The following GRK4 variants were observed in gnomAD, a reference collection of about 807,000 sequenced individuals.
The protein encoded by GRK4 is G protein-coupled receptor kinase 2-like.
A neutral mutation model predicts 77.9 loss-of-function variants in GRK4; 73 were observed. The ratio of observed to expected loss-of-function variants is 0.94; its 90% CI spans 0.78 to 1.14. The LOEUF is 1.14. GRK4 is among the 50% of genes most tolerant of loss of function. The probability of loss-of-function intolerance (pLI) is 0.00; values close to 1 mark genes in which losing one functional copy is unlikely to be tolerated. For synonymous variants in GRK4, 257 were observed against 254.4 expected (o/e 1.01, Z -0.10); for missense variants, 729 against 700.2 (o/e 1.04, Z -0.46).
intron 5 of GRK4, among the ~76,000 whole-genome samples, chr4:3,007,246 G>A (rs1468568891): frequency 1.3e-5 from 2 of 152,162 alleles, no homozygotes; most frequent in Non-Finnish European, 2.9e-5. Flanking sequence ...ATACTTGGAA[G>A]TATTAATGCA....
intron 12 of GRK4, among the ~76,000 whole-genome samples, chr4:3,031,821 A>G (rs1225909603): frequency 1.3e-5 from 2 of 152,070 alleles, no homozygotes; most frequent in Non-Finnish European, 2.9e-5. Flanking sequence ...GTCACTGGAG[A>G]AGAGAAGGCC....
chr4:2,984,705 C>A, intron 2 of GRK4, 97 bp downstream of exon 2: 1 of 554,050 alleles, frequency 1.8e-6, no homozygotes. Context: ...TTGTTTCAAA[C>A]ATTTTATGAT....
chr4:3,004,229 A>G lies in GRK4; in HGVS notation c.340-2A>G, dbSNP rs1035799145. The stretch of plus-strand genomic sequence containing the variant: ...TATGTATTTGGTTTGTACTGTATTA[A>G]GTTGGCAGCCCCTTTACCAGAAATA... On this transcript the variant is annotated splice_acceptor_variant, in intron 4 of 15. Coordinates refer to ENST00000398052, the MANE Select transcript of GRK4 (RefSeq NM_182982.3). LOFTEE classifies it high-confidence loss of function. 4.4e-5 allele frequency: 71 copies of G among 1,606,420 alleles called. No homozygotes were observed. The highest frequency in any genetic ancestry group is 5.7e-5 in the Non-Finnish European group (67 of 1,173,020).
intron 6 of GRK4, among the ~76,000 whole-genome samples, chr4:3,008,804 A>G (rs933062005): frequency 6.9e-6 from 1 of 144,186 alleles, no homozygotes; most frequent in Non-Finnish European, 1.5e-5. Context: ...CTCTGTCTCA[A>G]AAAAAAAAAA....
chr4:3,027,042 A>C (rs1475098409), intron 10 of GRK4, among the ~76,000 whole-genome samples: 1 of 152,066 alleles, frequency 6.6e-6, no homozygotes, highest in African/African-American at 2.4e-5. Context: ...GTTTTCGATA[A>C]TTTCGTATTT....
intron 3 of GRK4, among the ~76,000 whole-genome samples, chr4:2,990,672 A>G (rs986247981): frequency 5.9e-5 from 9 of 152,320 alleles, no homozygotes; most frequent in African/African-American, 1.9e-4. Context: ...AAGCTGCTGT[A>G]TTTTAAGAAT....
In GRK4 at chr4:2,965,329, G is replaced by C. The variant is rs77689235; in HGVS notation, c.52+1207G>C. The C allele has an allele frequency of 1.4e-3, 963 of 702,982 alleles. 4 individuals carry two copies. The African/African-American group carries it at 0.014, about 11-fold the overall frequency. The allele number at this position is 702,982 out of a possible 1,614,324, so 43.5% of individuals were successfully genotyped here. A position where few individuals can be genotyped will look rare whatever the true frequency, so the allele number is the denominator to read the frequency against. On this transcript the variant is annotated intron_variant, in intron 1 of 15. Coordinates refer to ENST00000398052, the MANE Select transcript of GRK4 (RefSeq NM_182982.3). The stretch of plus-strand genomic sequence containing the variant: ...ATCCTCTGTGCAATCCTCTGTCTCG[G>C]ACCTCATGTCTCCCTTGCCTGCGTC...
At chr4:3,007,614 A>G in intron 5 of GRK4, 122 bp from the exon 6 acceptor site, 2 of 542,906 alleles carry the variant, frequency 3.7e-6, no homozygotes, top group Non-Finnish European at 6.4e-6. Context: ...GCAAATTCAA[A>G]ATATTGAATT....
At chr4:2,991,383 A>T (rs1168778018) in intron 3 of GRK4, among the ~76,000 whole-genome samples, 1 of 152,202 alleles carries the variant, frequency 6.6e-6, no homozygotes, top group Admixed American at 6.5e-5. Context: ...ACCTGGATTT[A>T]TGTTTGAGTG....
At chr4:3,032,789 C>T (rs571686379) in intron 12 of GRK4, among the ~76,000 whole-genome samples, 12 of 152,274 alleles carry the variant, frequency 7.9e-5, no homozygotes, top group Non-Finnish European at 1.3e-4. Flanking sequence ...AAATAATCCT[C>T]CATAATTACT....
chr4:3,020,247 C>T (rs1578298642), intron 9 of GRK4, among the ~76,000 whole-genome samples: 1 of 152,138 alleles, frequency 6.6e-6, no homozygotes, highest in Non-Finnish European at 1.5e-5. Context: ...CTCAGGTGAT[C>T]CACGGGCCTC....
intron 1 of GRK4, among the ~76,000 whole-genome samples, chr4:2,979,526 C>T (rs938723004): frequency 1.3e-5 from 2 of 152,098 alleles, no homozygotes; most frequent in African/African-American, 2.4e-5. Flanking sequence ...CCAGCCTGAC[C>T]AACATGGAGA....
intron 4 of GRK4, among the ~76,000 whole-genome samples, chr4:3,002,287 A>G (rs935538967): frequency 2.6e-5 from 4 of 152,134 alleles, no homozygotes; most frequent in Non-Finnish European, 5.9e-5. Flanking sequence ...GGGTAGCTCT[A>G]TAGACGTCAG....
At chr4:3,038,801 C>G in intron 15 of GRK4, 1 of 331,150 alleles carries the variant, frequency 3.0e-6, no homozygotes. Context: ...TTACACTGGG[C>G]TCAGAAATCG....
At chr4:3,038,970 C>A (rs1741633422) in intron 15 of GRK4, 1 of 154,642 alleles carries the variant, frequency 6.5e-6, no homozygotes, top group South Asian at 2.0e-4. Context: ...AATCCCAGCA[C>A]TTTGGGAGGC....
chr4:2,997,388 T>C (rs1728248405), intron 4 of GRK4, among the ~76,000 whole-genome samples: 1 of 152,196 alleles, frequency 6.6e-6, no homozygotes, highest in Admixed American at 6.5e-5. Flanking sequence ...CCCTTCGTGA[T>C]AAAAGCACTG....
chr4:2,984,042 C>T (rs923737442), intron 1 of GRK4, among the ~76,000 whole-genome samples: 3 of 152,116 alleles, frequency 2.0e-5, no homozygotes, highest in Non-Finnish European at 4.4e-5. Context: ...GTCCCTCCCT[C>T]GACATGTGGG....
intron 5 of GRK4, among the ~76,000 whole-genome samples, chr4:3,006,146 G>A (rs1488111924): frequency 1.3e-5 from 2 of 151,732 alleles, no homozygotes; most frequent in East Asian, 1.9e-4. Context: ...TTGGGAGGCC[G>A]ACGTGGGTGG....
chr4:3,034,205 A>G lies in GRK4; in HGVS notation c.1270-1181A>G, dbSNP rs142204700. Among the ~76,000 whole-genome samples, 276 of 152,328 alleles carry G rather than the reference A, an allele frequency of 1.8e-3. 2 individuals are homozygous for G. The highest frequency in any genetic ancestry group is 3.6e-3 in the Admixed American group (55 of 15,292). ...CTGAAGAATTTAGCAGGAGTCAGCA[A>G]GCCGAAGAGCTTTGTAGACACAGCC... On this transcript the variant is annotated intron_variant, in intron 12 of 15. Coordinates refer to ENST00000398052, the MANE Select transcript of GRK4 (RefSeq NM_182982.3).
Sources: allele counts gnomAD v4.1 joint callset (sites outside exome capture counted in the v4.1 genomes callset), GRCh38; gene constraint gnomAD v4.1.1; transcripts MANE v1.5; gene names NCBI Gene and HGNC (gene_info 2026-07-23, HGNC 2026-07-21).